Variants in DSCAM observed in about 807,000 individuals in gnomAD.
DSCAM encodes the protein cell adhesion molecule DSCAM.
DSCAM carries 47 observed loss-of-function variants against 217.7 expected under a neutral mutation model. The ratio of observed to expected loss-of-function variants is 0.22; its 90% confidence interval spans 0.17 to 0.28. The LOEUF is 0.28. Ranked by LOEUF, DSCAM falls within the 10% of genes least tolerant of loss-of-function variation. The pLI is 1.00. For synonymous variants in DSCAM, 1,056 were observed against 1,015.3 expected, an observed-to-expected ratio of 1.04 and a Z score of -0.76; for missense variants, 2,080 against 2,618.3, an observed-to-expected ratio of 0.79 and a Z score of 4.49.
rs1320620468 is a variant in DSCAM at position 40,380,890 on chromosome 21, C to T, written c.509-11645G>A. ...CATCCTGGCTAACACGGTGAAACCC[C>T]GTCTCTACTAAAAATGCAAAAAATT... On this transcript the variant is annotated intron_variant, in intron 3 of 32. Coordinates refer to ENST00000400454, the MANE Select transcript of DSCAM (RefSeq NM_001389.5). 4.6e-5 allele frequency among the ~76,000 whole-genome samples: 7 copies of T among 151,508 alleles called. No homozygotes were observed. The East Asian group carries it at 9.8e-4, about 21-fold the overall frequency.
chr21:40,147,924 C>T (rs958066633), intron 16 of DSCAM, among the ~76,000 whole-genome samples: 1 of 152,050 alleles, frequency 6.6e-6, no homozygotes, highest in Non-Finnish European at 1.5e-5. Context: ...AATATAGTTT[C>T]TCTGTTTCTA....
At chr21:40,542,396 A>G (rs1167399718) in intron 3 of DSCAM, among the ~76,000 whole-genome samples, 2 of 152,158 alleles carry the variant, frequency 1.3e-5, no homozygotes, top group African/African-American at 4.8e-5. Flanking sequence ...CTAATTGCTC[A>G]TTGCTATGGA....
chr21:40,207,498 G>C (rs1023353193), intron 11 of DSCAM, among the ~76,000 whole-genome samples: 1 of 152,108 alleles, frequency 6.6e-6, no homozygotes, highest in African/African-American at 2.4e-5. Flanking sequence ...TTTTATCCTA[G>C]GAAATTAATT....
At chr21:40,469,972 C>A (rs921884022) in intron 3 of DSCAM, among the ~76,000 whole-genome samples, 26 of 152,036 alleles carry the variant, frequency 1.7e-4, no homozygotes, top group Non-Finnish European at 4.4e-5. Context: ...ATTTTCACTG[C>A]AAAATGAAAG....
chr21:40,518,506 TA>T (rs2076329857), intron 3 of DSCAM, among the ~76,000 whole-genome samples: 1 of 14,000 alleles, frequency 7.1e-5, no homozygotes, highest in Admixed American at 1.7e-3. Flanking sequence ...ATATTATATA[TA>T]TAATATATAT....
rs557388916 is a variant in DSCAM at position 40,809,819 on chromosome 21, C to T, written c.43+36800G>A. On this transcript the variant is annotated intron_variant, in intron 1 of 32. Transcript: ENST00000400454. ...TGCTTTAAAGAAAGGTTTAACAGAA[C>T]GCTTCCTCCCAGATGGCCCTTGCAC... Among the ~76,000 whole-genome samples the T allele has an allele frequency of 7.2e-5, 11 of 152,288 alleles. No homozygotes were observed. In the South Asian group the frequency reaches 8.3e-4, roughly 11 times the overall value.
chr21:40,264,085 C>T (rs1222281876), intron 11 of DSCAM, among the ~76,000 whole-genome samples: 4 of 151,548 alleles, frequency 2.6e-5, no homozygotes, highest in Non-Finnish European at 2.9e-5. Flanking sequence ...AAACAAAGCC[C>T]AGGGCCAGTT....
chr21:40,823,205 G>T (rs539542986), intron 1 of DSCAM, among the ~76,000 whole-genome samples: 1 of 10,052 alleles, frequency 9.9e-5, no homozygotes, highest in African/African-American at 3.9e-4. Flanking sequence ...TACATACATT[G>T]TGTGTGTGTG....
intron 3 of DSCAM, among the ~76,000 whole-genome samples, chr21:40,461,645 G>A (rs1340663386): frequency 6.6e-6 from 1 of 152,172 alleles, no homozygotes; most frequent in Non-Finnish European, 1.5e-5. Flanking sequence ...AAGGTTTCAT[G>A]GCAAAGGGGA....
chr21:40,674,912 C>A (rs1301017774), intron 3 of DSCAM, among the ~76,000 whole-genome samples: 1 of 151,954 alleles, frequency 6.6e-6, no homozygotes, highest in Non-Finnish European at 1.5e-5. Context: ...TGTGAGCCAC[C>A]GCGCCCGGCC....
chr21:40,680,980 T>A (rs2090394676), intron 3 of DSCAM, among the ~76,000 whole-genome samples: 1 of 152,236 alleles, frequency 6.6e-6, no homozygotes, highest in Non-Finnish European at 1.5e-5. Context: ...GCAAATAGAA[T>A]CTAGTTGTTG....
At chr21:40,548,135 AAC>A (rs2076598858) in intron 3 of DSCAM, among the ~76,000 whole-genome samples, 1 of 152,148 alleles carries the variant, frequency 6.6e-6, no homozygotes, top group Admixed American at 6.5e-5. Context: ...ATGAGTTCAT[AAC>A]AGTTTCTTCA....
In DSCAM at chr21:40,338,432, G is replaced by A. The variant is rs186777211; in HGVS notation, c.1508-56C>T. On this transcript the variant is annotated intron_variant, in intron 7 of 32. Transcript: ENST00000400454. Reference sequence around the variant, plus strand: ...AATTTAAGGGTACATCTCATGTAGGGAAATGGGTACACTTTTCCTTGAGTT... The same window carrying A: ...AATTTAAGGGTACATCTCATGTAGGAAAATGGGTACACTTTTCCTTGAGTT... 9.2e-6 allele frequency: 14 copies of A among 1,529,930 alleles called. No homozygotes were observed. The Admixed American group carries it at 2.6e-4, about 29-fold the overall frequency. The allele number at this position is 1,529,930 out of a possible 1,614,324, so 94.8% of individuals were successfully genotyped here.
chr21:40,718,254 G>A (rs2090864439), intron 1 of DSCAM, among the ~76,000 whole-genome samples: 1 of 152,314 alleles, frequency 6.6e-6, no homozygotes, highest in Non-Finnish European at 1.5e-5. Context: ...ATTGGAAATA[G>A]GAGTCCAAGA....
At chr21:40,623,741 A>G (rs1000876615) in intron 3 of DSCAM, among the ~76,000 whole-genome samples, 1 of 152,178 alleles carries the variant, frequency 6.6e-6, no homozygotes. Context: ...CATCTTCCTC[A>G]CTGTCCTTCC....
intron 3 of DSCAM, among the ~76,000 whole-genome samples, chr21:40,474,089 T>C (rs1368129971): frequency 6.6e-6 from 1 of 151,998 alleles, no homozygotes; most frequent in East Asian, 1.9e-4. Context: ...GGTCAGGAGT[T>C]CAAGACCAGC....
chr21:40,572,620 C>T (rs898684903), intron 3 of DSCAM, among the ~76,000 whole-genome samples: 4 of 152,018 alleles, frequency 2.6e-5, no homozygotes, highest in Admixed American at 6.6e-5. Context: ...TATATCTGAC[C>T]GAGTACAATT....
At chr21:40,823,518 T>G (rs1191968200) in intron 1 of DSCAM, among the ~76,000 whole-genome samples, 3 of 152,120 alleles carry the variant, frequency 2.0e-5, no homozygotes, top group Admixed American at 2.0e-4. Flanking sequence ...GATACCAAGT[T>G]ATACTACATA....
chr21:40,623,921 C>A (rs1354976662), intron 3 of DSCAM, among the ~76,000 whole-genome samples: 1 of 152,042 alleles, frequency 6.6e-6, no homozygotes, highest in Non-Finnish European at 1.5e-5. Flanking sequence ...ATTTTATAGC[C>A]CAAGGGAGGG....
Sources: gnomAD v4.1 joint callset for allele counts (sites outside exome capture counted in the v4.1 genomes callset) on GRCh38, gnomAD v4.1.1 for gene constraint, MANE v1.5 for transcripts, NCBI Gene and HGNC (gene_info 2026-07-23, HGNC 2026-07-21) for gene names.